CDH13: variants seen among roughly 807,000 people sequenced by gnomAD.
CDH13 encodes the protein cadherin 13.
In CDH13, 24 loss-of-function variants were observed where a neutral mutation model predicts 63.8. The observed-to-expected ratio is 0.38, with a 90% CI of 0.27 to 0.53. The LOEUF (loss-of-function observed/expected upper bound fraction) is 0.53, where lower values mean the gene tolerates loss of function less well. Ranked by LOEUF, CDH13 falls within the 20% of genes least tolerant of loss-of-function variation. The pLI is 0.85. For synonymous variants in CDH13, 503 were observed against 355.3 expected, an observed-to-expected ratio of 1.42 and a Z score of -4.67; for missense variants, 1,049 against 903.1, an observed-to-expected ratio of 1.16 and a Z score of -2.07.
intron 11 of CDH13, among the ~76,000 whole-genome samples, chr16:83,775,475 T>A (rs1247976410): frequency 6.6e-6 from 1 of 152,082 alleles, no homozygotes; most frequent in Non-Finnish European, 1.5e-5. Context: ...GACCCCCACA[T>A]GTTTAGAAGT....
intron 1 of CDH13, among the ~76,000 whole-genome samples, chr16:82,794,916 G>T (rs1448463835): frequency 1.3e-5 from 2 of 152,118 alleles, no homozygotes; most frequent in African/African-American, 4.8e-5. Context: ...CAAGATTCAG[G>T]ACTTAAAGAA....
intron 3 of CDH13, among the ~76,000 whole-genome samples, chr16:83,067,275 G>A (rs1054464765): frequency 6.6e-6 from 1 of 152,154 alleles, no homozygotes; most frequent in African/African-American, 2.4e-5. Context: ...GCTCTGCATA[G>A]TACAGTGGTT....
At chr16:83,229,267 C>T (rs1002401328) in intron 5 of CDH13, among the ~76,000 whole-genome samples, 6 of 152,118 alleles carry the variant, frequency 3.9e-5, no homozygotes, top group African/African-American at 1.2e-4. Flanking sequence ...TTTATTGAGG[C>T]CCCACTACCA....
intron 7 of CDH13, among the ~76,000 whole-genome samples, chr16:83,518,980 A>T (rs1022985491): frequency 2.0e-5 from 3 of 152,182 alleles, no homozygotes; most frequent in African/African-American, 7.2e-5. Context: ...AGAACGGACT[A>T]ATATACCAGA....
At position 82,779,396 on chromosome 16, in the gene CDH13, C is replaced by G. The variant is rs111689284; in HGVS notation, c.46-78966C>G. Among the ~76,000 whole-genome samples the G allele has an allele frequency of 1.8e-4, 28 of 152,286 alleles. 2 individuals are homozygous for G. The highest frequency in any genetic ancestry group is 6.7e-4 in the African/African-American group (28 of 41,556). On this transcript the variant is annotated intron_variant, in intron 1 of 13. Coordinates refer to ENST00000567109, the MANE Select transcript of CDH13 (RefSeq NM_001257.5). Reference sequence around the variant, plus strand: ...CGCTTTGAGAATTTCTGTGCAGGTCCAAGCGTCCACTTAAATCAGGGCTCC... The same window carrying G: ...CGCTTTGAGAATTTCTGTGCAGGTCGAAGCGTCCACTTAAATCAGGGCTCC...
At chr16:83,364,244 T>G (rs2151389104) in intron 6 of CDH13, among the ~76,000 whole-genome samples, 1 of 152,106 alleles carries the variant, frequency 6.6e-6, no homozygotes, top group South Asian at 2.1e-4. Context: ...GCAGACAGAT[T>G]TTCTGCCTGT....
At chr16:83,314,306 T>A (rs536580428) in intron 5 of CDH13, among the ~76,000 whole-genome samples, 2 of 152,228 alleles carry the variant, frequency 1.3e-5, no homozygotes, top group Admixed American at 1.3e-4. Flanking sequence ...TTCTTTCAAA[T>A]GTGTCTTAAT....
At chr16:82,946,712 C>G (rs573845323) in intron 2 of CDH13, among the ~76,000 whole-genome samples, 12 of 146,354 alleles carry the variant, frequency 8.2e-5, no homozygotes, top group Non-Finnish European at 1.6e-4. Context: ...CAGAATGAAA[C>G]TCTGTCTCAA....
At chr16:83,737,450 A>G (rs931082277) in intron 10 of CDH13, among the ~76,000 whole-genome samples, 1 of 152,342 alleles carries the variant, frequency 6.6e-6, no homozygotes, top group African/African-American at 2.4e-5. Flanking sequence ...TCAAATGTGT[A>G]TGATTTTTAT....
chr16:82,985,407 G>A (rs556577617), intron 2 of CDH13, among the ~76,000 whole-genome samples: 90 of 152,308 alleles, frequency 5.9e-4, no homozygotes, highest in Non-Finnish European at 1.1e-3. Flanking sequence ...GGAAAATAAA[G>A]TACCATCGAA....
intron 3 of CDH13, among the ~76,000 whole-genome samples, chr16:83,078,860 T>C (rs1355268027): frequency 6.6e-6 from 1 of 152,278 alleles, no homozygotes; most frequent in East Asian, 1.9e-4. Flanking sequence ...AATGGCGAGA[T>C]CTTGGCTCAC....
intron 7 of CDH13, among the ~76,000 whole-genome samples, chr16:83,539,774 G>A (rs781191628): frequency 3.3e-5 from 5 of 152,216 alleles, no homozygotes; most frequent in African/African-American, 1.2e-4. Flanking sequence ...AAGGTCATGC[G>A]AATAGGTTAG....
chr16:83,490,009 CCA>C (rs10666213), intron 7 of CDH13, among the ~76,000 whole-genome samples: 12,085 of 137,214 alleles, frequency 0.088, 503 homozygotes, highest in Admixed American at 0.099. Flanking sequence ...GCTGCAGAAA[CCA>C]CACACACACA....
chr16:82,927,654 C>T (rs776703527), intron 2 of CDH13, among the ~76,000 whole-genome samples: 30 of 152,326 alleles, frequency 2.0e-4, no homozygotes, highest in Admixed American at 2.6e-4. Flanking sequence ...TCCCATAGAA[C>T]GCCATGTTTC....
chr16:83,216,550 T>C (rs1032191887), intron 4 of CDH13, among the ~76,000 whole-genome samples: 1 of 141,860 alleles, frequency 7.0e-6, no homozygotes, highest in Non-Finnish European at 1.5e-5. Flanking sequence ...TATAATGGGG[T>C]TTAATATATA....
chr16:83,232,362 T>TA (rs1412052960), intron 5 of CDH13, among the ~76,000 whole-genome samples: 14 of 151,364 alleles, frequency 9.2e-5, no homozygotes, highest in East Asian at 3.9e-4. Context: ...CTGTCTCTAC[T>TA]AAAAAAACAA....
chr16:83,065,485 A>C (rs2031930184), intron 3 of CDH13, among the ~76,000 whole-genome samples: 1 of 152,226 alleles, frequency 6.6e-6, no homozygotes, highest in African/African-American at 2.4e-5. Context: ...TGGACAGATC[A>C]CTTGAGATCA....
At chr16:83,488,681 G>C (rs1567707170) in intron 7 of CDH13, among the ~76,000 whole-genome samples, 1 of 151,850 alleles carries the variant, frequency 6.6e-6, no homozygotes. Flanking sequence ...TTGGAGTGCA[G>C]TGGCACGATC....
chr16:82,939,744 C>T (rs574317864), intron 2 of CDH13, among the ~76,000 whole-genome samples: 5 of 152,178 alleles, frequency 3.3e-5, no homozygotes, highest in Non-Finnish European at 7.4e-5. Context: ...CCCTTACATC[C>T]TTGAATCTCT....
Sources: gnomAD v4.1 joint callset for allele counts (sites outside exome capture counted in the v4.1 genomes callset) on GRCh38, gnomAD v4.1.1 for gene constraint, MANE v1.5 for transcripts, NCBI Gene and HGNC (gene_info 2026-07-23, HGNC 2026-07-21) for gene names.